HACL2: variants seen among roughly 807,000 people sequenced by gnomAD.
The protein encoded by HACL2 is 2-hydroxyacyl-CoA lyase 2.
At chr19:15,123,353 G>A in the HACL2 span, 1 of 1,610,282 alleles carries the variant, frequency 6.2e-7, no homozygotes, top group Non-Finnish European at 8.5e-7. The surrounding 1 kb of genome is among the most constrained non-coding windows in gnomAD (Gnocchi z 5.1). Flanking sequence ...CCAGTCCCCA[G>A]CCCTCTCTGC....
At chr19:15,120,060 G>A in the HACL2 span, 4 of 1,550,426 alleles carry the variant, frequency 2.6e-6, no homozygotes, top group Admixed American at 2.0e-5. Flanking sequence ...CAAAGAGGTT[G>A]GCCAGGTAAT....
At chr19:15,119,380 G>A in the HACL2 span, 6 of 1,612,940 alleles carry the variant, frequency 3.7e-6, no homozygotes, top group Non-Finnish European at 4.2e-6. Context: ...ACTGGGGACT[G>A]GGAACGTGAA....
chr19:15,122,515 C>A, the HACL2 span, among the ~76,000 whole-genome samples: 1 of 152,284 alleles, frequency 6.6e-6, no homozygotes, highest in African/African-American at 2.4e-5. This position sits in a 1 kb window ranked among gnomAD's most constrained non-coding sequence, Gnocchi z 4.0. Context: ...TTTCCCTACC[C>A]ACCCAGTTCA....
the HACL2 span, chr19:15,117,558 T>C: frequency 4.7e-6 from 1 of 214,794 alleles, no homozygotes; most frequent in Non-Finnish European, 9.3e-6. Flanking sequence ...ATACTTGTAG[T>C]CCCAGCTACT....
chr19:15,115,678 G>A, the HACL2 span: 31 of 1,610,648 alleles, frequency 1.9e-5, no homozygotes, highest in Middle Eastern at 3.3e-4. Flanking sequence ...GGATCTACAG[G>A]AAGATGATGA....
the HACL2 span, chr19:15,119,598 T>G: frequency 1.4e-5 from 17 of 1,181,746 alleles, no homozygotes; most frequent in African/African-American, 2.5e-4. Context: ...TTGCCCAGGA[T>G]AGAGTGTAAT....
At chr19:15,124,749 C>T in the HACL2 span, 1 of 868,486 alleles carries the variant, frequency 1.2e-6, no homozygotes, top group Non-Finnish European at 1.7e-6. Flanking sequence ...AAAGTCCAGG[C>T]CTCCATACAC....
At chr19:15,117,162 T>A in the HACL2 span, 11 of 153,662 alleles carry the variant, frequency 7.2e-5, no homozygotes, top group Middle Eastern at 2.7e-3. Context: ...TCCTGTCGCC[T>A]AGGCTGCAGG....
At chr19:15,120,238 T>TCCCTTCAGAAGACCTGAA in the HACL2 span, among the ~76,000 whole-genome samples, 1 of 152,132 alleles carries the variant, frequency 6.6e-6, no homozygotes, top group African/African-American at 2.4e-5. Context: ...CGAACCCTAG[T>TCCCTTCAGAAGACCTGAA]GGCCAGGTCT....
the HACL2 span, chr19:15,124,665 T>A: frequency 1.9e-6 from 1 of 521,822 alleles, no homozygotes; most frequent in Admixed American, 3.6e-5. Flanking sequence ...GTGAAAAGAG[T>A]CACTGGGGAA....
At chr19:15,116,608 G>T in the HACL2 span, 1 of 1,067,522 alleles carries the variant, frequency 9.4e-7, no homozygotes. Flanking sequence ...CAGGAAGCCA[G>T]CAGCAGCATC....
At chr19:15,116,136 G>C in the HACL2 span, 1 of 1,613,112 alleles carries the variant, frequency 6.2e-7, no homozygotes, top group African/African-American at 1.3e-5. Flanking sequence ...TGCCCCAGGC[G>C]GGGGCCCTTC....
At chr19:15,117,950 CGAT>C in the HACL2 span, 6 of 1,614,118 alleles carry the variant, frequency 3.7e-6, no homozygotes, top group South Asian at 1.1e-5. Context: ...TTACGATTGA[CGAT>C]GATGATCTTG....
At chr19:15,115,517 G>A in the HACL2 span, 3 of 1,600,982 alleles carry the variant, frequency 1.9e-6, no homozygotes, top group African/African-American at 4.0e-5. Context: ...AAGCCCAGCT[G>A]GGACTGAAAC....
chr19:15,117,693 A>T, the HACL2 span: 2 of 570,234 alleles, frequency 3.5e-6, 1 homozygote, highest in East Asian at 5.9e-5. Flanking sequence ...AAATAAAAAT[A>T]AAAAAAATTT....
chr19:15,118,874 T>C, the HACL2 span, among the ~76,000 whole-genome samples: 1 of 152,206 alleles, frequency 6.6e-6, no homozygotes, highest in African/African-American at 2.4e-5. Context: ...CTAACCCAAG[T>C]GCAGACTCAT....
At chr19:15,122,946 C>CCCGCA in the HACL2 span, 1 of 1,605,050 alleles carries the variant, frequency 6.2e-7, no homozygotes, top group East Asian at 2.2e-5. This position sits in a 1 kb window ranked among gnomAD's most constrained non-coding sequence, Gnocchi z 4.0. Flanking sequence ...GGCACAATGT[C>CCCGCA]CCGCACCCTC....
At chr19:15,115,876 C>G in the HACL2 span, 2 of 1,614,064 alleles carry the variant, frequency 1.2e-6, no homozygotes, top group Non-Finnish European at 1.7e-6. Context: ...GTATCAAATT[C>G]GATGAGGCTG....
At chr19:15,119,577 G>A in the HACL2 span, 5 of 1,371,676 alleles carry the variant, frequency 3.6e-6, no homozygotes, top group Non-Finnish European at 5.1e-6. Flanking sequence ...TTGAGACACA[G>A]TTTCACTCTG....
Sources: allele counts gnomAD v4.1 joint callset (sites outside exome capture counted in the v4.1 genomes callset), GRCh38; gene constraint gnomAD v4.1.1; non-coding constraint Gnocchi (gnomAD v3.1); transcripts MANE v1.5; gene names NCBI Gene and HGNC (gene_info 2026-07-23, HGNC 2026-07-21).